EHD3: variants seen among roughly 807,000 people sequenced by gnomAD.
The protein encoded by EHD3 is EH domain containing 3.
A neutral mutation model predicts 43.0 loss-of-function variants in EHD3; 17 were observed. The observed-to-expected ratio is 0.40, with a 90% CI of 0.27 to 0.59. The LOEUF (loss-of-function observed/expected upper bound fraction) is 0.59. EHD3 is among the 20% of genes least tolerant of loss of function. The pLI is 0.49. For missense variants in EHD3, 594 were observed against 705.6 expected, an observed-to-expected ratio of 0.84 and a Z score of 1.79; for synonymous variants, 313 against 289.5, an observed-to-expected ratio of 1.08 and a Z score of -0.82.
At chr2:31,240,262 C>A (rs1683398551) in intron 1 of EHD3, among the ~76,000 whole-genome samples, 1 of 152,214 alleles carries the variant, frequency 6.6e-6, no homozygotes, top group Non-Finnish European at 1.5e-5. Context: ...TCTTGTGCAT[C>A]CCCGTCTCTG....
chr2:31,257,698 C>CG (rs1558651255), intron 3 of EHD3, among the ~76,000 whole-genome samples: 1 of 152,098 alleles, frequency 6.6e-6, no homozygotes, highest in East Asian at 1.9e-4. Flanking sequence ...GGCTAGGGGT[C>CG]GTGTCTCATG....
At chr2:31,235,876 G>A (rs987457550) in intron 1 of EHD3, among the ~76,000 whole-genome samples, 1 of 152,152 alleles carries the variant, frequency 6.6e-6, no homozygotes, top group African/African-American at 2.4e-5. Context: ...CCCTTTTATA[G>A]CCATTCCAAA....
At position 31,234,818 on chromosome 2, in the gene EHD3, A is replaced by T. The variant is rs374789549; in HGVS notation, c.197A>T (p.Gln66Leu). 2 of 1,614,052 alleles carry T rather than the reference A, an allele frequency of 1.2e-6. No homozygotes were observed. Among genetic ancestry groups the T allele is most frequent in the African/African-American group, 2.7e-5 (2 of 74,922 alleles). The change falls in exon 1 of 6, where the codon CAG becomes CTG. Residue 66 changes from glutamine (Q) to leucine (L), a missense_variant. By Grantham distance (113) the Gln-to-Leu change is moderately radical (BLOSUM62 -2). Around this residue, in one of 3 missense-constraint regions of EHD3, gnomAD observed 243 missense variants for 296.7 expected, o/e 0.82. Coordinates refer to ENST00000322054, the MANE Select transcript of EHD3 (RefSeq NM_014600.3). ...AAGCCCATGGTTCTGCTGGTGGGCC[A>T]GTACTCCACTGGGAAGACCACCTTC... is the stretch of plus-strand genomic sequence containing the variant. The part of the protein sequence containing the change: ...DNKPMVLLVG[Q>L]YSTGKTTFIR...
Position 31,249,376 on chromosome 2 carries a change from T to C in EHD3, c.410T>C (p.Val137Ala). Residue 137 changes from valine to alanine, a missense_variant, in exon 3 of 6, where the codon GTG (valine) becomes GCG (alanine). By Grantham distance (64) the Val-to-Ala change is moderately conservative (BLOSUM62 0). This residue lies in a region of EHD3 where 243 missense variants were observed against 296.7 expected (regional missense o/e 0.82). Coordinates refer to ENST00000322054, the MANE Select transcript of EHD3 (RefSeq NM_014600.3). Reference sequence around the variant, plus strand: ...GGTTACCTCTGCCCATGCAGGTTCGTGTGTGCCCAGCTACCTAACCCTGTG... The same window carrying C: ...GGTTACCTCTGCCCATGCAGGTTCGCGTGTGCCCAGCTACCTAACCCTGTG... ...AFGNAFLNRF[V>A]CAQLPNPVLE... The C allele has an allele frequency of 6.2e-7, 1 of 1,614,084 alleles. No homozygotes were observed.
chr2:31,253,579 A>C (rs1055130841), intron 3 of EHD3, among the ~76,000 whole-genome samples: 1 of 152,200 alleles, frequency 6.6e-6, no homozygotes. Context: ...CCTACTGGCC[A>C]TATTAGACTG....
At chr2:31,248,817 A>C (rs1683578463) in intron 2 of EHD3, among the ~76,000 whole-genome samples, 1 of 152,204 alleles carries the variant, frequency 6.6e-6, no homozygotes, top group South Asian at 2.1e-4. Flanking sequence ...GCCCACAAGG[A>C]TCAAATCAGA....
chr2:31,258,146 C>T (rs781343434), intron 3 of EHD3, among the ~76,000 whole-genome samples: 1 of 152,166 alleles, frequency 6.6e-6, no homozygotes, highest in Non-Finnish European at 1.5e-5. Flanking sequence ...TGCTTGGAAG[C>T]ACTTCATTTA....
chr2:31,261,986 CCTT>C (rs1428931869), intron 5 of EHD3, among the ~76,000 whole-genome samples: 6 of 152,184 alleles, frequency 3.9e-5, no homozygotes, highest in African/African-American at 1.4e-4. Context: ...CAGTTAATGA[CCTT>C]CTCTAGTCAC....
rs1375785654 is a variant in EHD3, at chr2:31,266,207, T to C, written c.1111T>C (p.Phe371Leu). 1 of 1,612,942 alleles carries C rather than the reference T, an allele frequency of 6.2e-7. No individual in the cohort carries two copies. Among genetic ancestry groups the C allele is most frequent in the African/African-American group, 1.3e-5 (1 of 74,926 alleles). The stretch of plus-strand genomic sequence containing the variant: ...GCTGCAGGCCCAGGACTTTAGCAAG[T>C]TCCAGCCGCTGAAGAGCAAGCTGCT... Reference protein sequence around the residue: ...DQLQAQDFSKFQPLKSKLLEV... With the variant: ...DQLQAQDFSKLQPLKSKLLEV... Residue 371 changes from phenylalanine (F) to leucine (L), a missense_variant, in exon 6 of 6, where the codon TTC (phenylalanine) becomes CTC (leucine). Phe to Leu is a conservative substitution (Grantham distance 22). Coordinates refer to ENST00000322054, the MANE Select transcript of EHD3 (RefSeq NM_014600.3). This position sits in a 1 kb window ranked among gnomAD's most constrained non-coding sequence, Gnocchi z 5.1.
At chr2:31,238,790 C>T (rs1321339473) in intron 1 of EHD3, among the ~76,000 whole-genome samples, 1 of 152,168 alleles carries the variant, frequency 6.6e-6, no homozygotes, top group Non-Finnish European at 1.5e-5. Context: ...GCTCCAGGGG[C>T]TGAGGAAGGC....
At chr2:31,265,953 C>A (rs576042885) in intron 5 of EHD3, among the ~76,000 whole-genome samples, 8 of 152,136 alleles carry the variant, frequency 5.3e-5, no homozygotes, top group African/African-American at 1.4e-4. Flanking sequence ...CCTTCTACCC[C>A]CTACTGAAAA....
intron 1 of EHD3, among the ~76,000 whole-genome samples, chr2:31,237,104 G>A (rs1388291253): frequency 6.6e-6 from 1 of 152,122 alleles, no homozygotes; most frequent in Non-Finnish European, 1.5e-5. Flanking sequence ...GTCAGCCAGC[G>A]CTGTAGGAGG....
intron 3 of EHD3, among the ~76,000 whole-genome samples, chr2:31,250,345 C>A (rs1683611956): frequency 6.6e-6 from 1 of 150,850 alleles, no homozygotes; most frequent in South Asian, 2.1e-4. Flanking sequence ...CAGCTCACCG[C>A]AACCTCTGCC....
intron 2 of EHD3, among the ~76,000 whole-genome samples, chr2:31,247,445 C>G (rs1399447782): frequency 1.3e-5 from 2 of 152,092 alleles, no homozygotes; most frequent in East Asian, 3.9e-4. Flanking sequence ...GGTCAGGAAT[C>G]TCTCTCTAAA....
chr2:31,268,534 G>C lies in EHD3; in HGVS notation c.*1830G>C, dbSNP rs1683997204. The stretch of plus-strand genomic sequence containing the variant: ...GCCAGCATCCACAACCAGCTTCCCA[G>C]TGGGCTGGAGTTTGTCTAGGCTCAG... On this transcript the variant is annotated 3_prime_UTR_variant, in exon 6 of 6. Coordinates refer to ENST00000322054, the MANE Select transcript of EHD3 (RefSeq NM_014600.3). The C allele has an allele frequency of 6.6e-6, 1 of 152,276 alleles. No homozygotes were observed. The highest frequency in any genetic ancestry group is 2.1e-4 in the South Asian group (1 of 4,836). 9.4% of individuals were successfully genotyped at this position (152,276 alleles called of 1,614,324 possible).
intron 1 of EHD3, among the ~76,000 whole-genome samples, chr2:31,243,985 T>C (rs894123322): frequency 2.6e-5 from 4 of 152,152 alleles, no homozygotes; most frequent in Non-Finnish European, 5.9e-5. Flanking sequence ...TGCTTTGTTT[T>C]TGAGCCCAAA....
In EHD3 at chr2:31,266,206, G is replaced by A; in HGVS notation, c.1110G>A (p.Lys370=). ...AGCTGCAGGCCCAGGACTTTAGCAA[G>A]TTCCAGCCGCTGAAGAGCAAGCTGC... is the stretch of plus-strand genomic sequence containing the variant. ...QDQLQAQDFS[K]FQPLKSKLLE... is the part of the protein sequence containing the mutation. The change falls in exon 6 of 6, where the codon AAG becomes AAA. Residue 370 remains lysine, a synonymous_variant. Transcript: ENST00000322054. This position sits in a 1 kb window ranked among gnomAD's most constrained non-coding sequence, Gnocchi z 5.1. 6.2e-7 allele frequency: 1 copy of A among 1,612,972 alleles called. No individual in the cohort carries two copies. Among genetic ancestry groups the A allele is most frequent in the Non-Finnish European group, 8.5e-7 (1 of 1,179,056 alleles).
chr2:31,248,423 T>C (rs1188714637), intron 2 of EHD3, among the ~76,000 whole-genome samples: 1 of 152,174 alleles, frequency 6.6e-6, no homozygotes, highest in Non-Finnish European at 1.5e-5. Context: ...AGGGTGCTGG[T>C]CCCATTGCAC....
intron 3 of EHD3, among the ~76,000 whole-genome samples, chr2:31,251,005 G>A (rs558034211): frequency 6.6e-6 from 1 of 152,226 alleles, no homozygotes; most frequent in Non-Finnish European, 1.5e-5. Flanking sequence ...TTCTGCAAGA[G>A]CATGGCCTGC....
Sources: gnomAD v4.1 joint callset for allele counts (sites outside exome capture counted in the v4.1 genomes callset) on GRCh38, gnomAD v4.1.1 for gene constraint, gnomAD v4.1.1 regional missense constraint, Gnocchi (gnomAD v3.1) non-coding constraint, MANE v1.5 for transcripts, NCBI Gene and HGNC (gene_info 2026-07-23, HGNC 2026-07-21) for gene names.